NAALADL2: variants seen among roughly 807,000 people sequenced by gnomAD.
NAALADL2 encodes inactive N-acetylated-alpha-linked acidic dipeptidase-like protein 2.
Under a neutral mutation model 87.2 loss-of-function variants are expected in NAALADL2, and 76 were observed. That is an observed-to-expected ratio of 0.87 (90% confidence interval 0.72 to 1.05). NAALADL2 has a LOEUF of 1.05. Among genes scored for constraint, NAALADL2 ranks in the 50% least tolerant of loss-of-function variants. The probability of loss-of-function intolerance (pLI) is 0.00; values close to 1 mark genes in which losing one functional copy is unlikely to be tolerated. For synonymous variants in NAALADL2, 354 were observed against 331.0 expected, an observed-to-expected ratio of 1.07 and a Z score of -0.75; for missense variants, 1,089 against 945.8, an observed-to-expected ratio of 1.15 and a Z score of -1.99.
intron 2 of NAALADL2, among the ~76,000 whole-genome samples, chr3:174,669,292 T>C (rs1726292580): frequency 6.6e-6 from 1 of 152,048 alleles, no homozygotes; most frequent in African/African-American, 2.4e-5. Flanking sequence ...TTTGTTTGAG[T>C]TCATTGTAGA....
rs146845045 is a variant in NAALADL2 at position 175,708,083 on chromosome 3, T to A, written c.1897-29223T>A. ...GGTAAATTCCAGAAGTGACAAGGAG[T>A]TGGCCCATTAAGAAACTGAAAGAAG... On this transcript the variant is annotated intron_variant, in intron 11 of 13. Transcript: ENST00000454872. 4.4e-3 allele frequency among the ~76,000 whole-genome samples: 665 copies of A among 151,398 alleles called. 2 individuals carry two copies. The highest frequency in any genetic ancestry group is 7.2e-3 in the Non-Finnish European group (490 of 67,840).
intron 2 of NAALADL2, among the ~76,000 whole-genome samples, chr3:174,609,658 TAA>T (rs573562949): frequency 3.9e-5 from 6 of 151,968 alleles, no homozygotes; most frequent in Non-Finnish European, 8.8e-5. Flanking sequence ...CTCAATGAAA[TAA>T]AAGAGTATAC....
rs748895219 is a variant in NAALADL2 at position 174,625,057 on chromosome 3, C to CTCTCTTTTT, written c.-115+74421_-115+74422insCTCTTTTTT. On this transcript the variant is annotated intron_variant, in intron 2 of 3. Transcript: ENST00000434257. ...TATTTATTGCTATCTCTCTCTCTCT[C>CTCTCTTTTT]TTTTTTTTTTTTTTTTTTTGAGACA... 5.6e-3 allele frequency among the ~76,000 whole-genome samples: 444 copies of CTCTCTTTTT among 78,826 alleles called. 31 individuals carry two copies. The highest frequency in any genetic ancestry group is 0.014 in the African/African-American group (278 of 19,804). The allele number at this position is 78,826 out of a possible 152,430, so 51.7% of individuals were successfully genotyped here.
intron 5 of NAALADL2, among the ~76,000 whole-genome samples, chr3:175,419,608 G>C (rs1463450130): frequency 1.3e-5 from 2 of 151,916 alleles, no homozygotes; most frequent in Non-Finnish European, 2.9e-5. Flanking sequence ...AGAGAGACCT[G>C]ATAAAGATTA....
At chr3:175,097,438 G>A (rs1560023137) in intron 2 of NAALADL2, 147 bp downstream of exon 2, 1 of 738,734 alleles carries the variant, frequency 1.4e-6, no homozygotes, top group South Asian at 1.8e-5. Context: ...AAACTTCAAA[G>A]AGGGGAGCGC....
intron 5 of NAALADL2, among the ~76,000 whole-genome samples, chr3:175,384,255 T>C (rs888348968): frequency 2.6e-5 from 4 of 152,042 alleles, no homozygotes; most frequent in Non-Finnish European, 5.9e-5. Context: ...TCTTATTGAC[T>C]ATAATGATAA....
At chr3:175,649,624 T>C (rs1320387285) in intron 11 of NAALADL2, among the ~76,000 whole-genome samples, 1 of 152,160 alleles carries the variant, frequency 6.6e-6, no homozygotes, top group Non-Finnish European at 1.5e-5. Flanking sequence ...TGGCCTTTCC[T>C]CAGTGCACAT....
intron 2 of NAALADL2, among the ~76,000 whole-genome samples, chr3:175,147,896 C>G (rs1344980030): frequency 4.0e-5 from 6 of 151,772 alleles, no homozygotes; most frequent in African/African-American, 7.3e-5. Flanking sequence ...ATGGTGAAAC[C>G]TCGTCTCTTC....
At chr3:174,572,367 A>G (rs971868124) in intron 2 of NAALADL2, among the ~76,000 whole-genome samples, 3 of 152,214 alleles carry the variant, frequency 2.0e-5, no homozygotes, top group African/African-American at 7.2e-5. Flanking sequence ...TATCTTAGAA[A>G]GTTATGACAG....
At chr3:174,929,574 A>G (rs1031007897) in intron 1 of NAALADL2, among the ~76,000 whole-genome samples, 24 of 151,972 alleles carry the variant, frequency 1.6e-4, no homozygotes, top group Admixed American at 2.6e-4. Context: ...ATGCTATGAT[A>G]CATATTATTA....
intron 13 of NAALADL2, among the ~76,000 whole-genome samples, chr3:175,759,230 A>C (rs1413185587): frequency 1.3e-5 from 2 of 152,164 alleles, no homozygotes; most frequent in Non-Finnish European, 2.9e-5. Flanking sequence ...AAAATACATA[A>C]ATTATATATC....
intron 2 of NAALADL2, among the ~76,000 whole-genome samples, chr3:175,216,673 T>TTTTC (rs1553816888): frequency 4.9e-5 from 7 of 143,272 alleles, no homozygotes; most frequent in Non-Finnish European, 9.1e-5. Context: ...CTTTTCTTTT[T>TTTTC]TTTTTTTTTT....
intron 11 of NAALADL2, among the ~76,000 whole-genome samples, chr3:175,684,155 A>T (rs950167037): frequency 2.4e-5 from 3 of 123,486 alleles, no homozygotes; most frequent in Admixed American, 7.3e-5. Context: ...CAATCACTTT[A>T]AAAAAAAAAA....
intron 5 of NAALADL2, among the ~76,000 whole-genome samples, chr3:175,377,691 C>G (rs1767307079): frequency 2.0e-5 from 3 of 152,158 alleles, no homozygotes; most frequent in Admixed American, 6.5e-5. Context: ...CACCCATGGC[C>G]TGTACTGCAC....
At chr3:175,646,600 A>G (rs1730040399) in intron 11 of NAALADL2, among the ~76,000 whole-genome samples, 1 of 152,074 alleles carries the variant, frequency 6.6e-6, no homozygotes, top group Non-Finnish European at 1.5e-5. Flanking sequence ...CTATTCCTCT[A>G]TCCCTATGAT....
At chr3:175,743,189 T>C (rs1745480298) in intron 12 of NAALADL2, among the ~76,000 whole-genome samples, 1 of 152,052 alleles carries the variant, frequency 6.6e-6, no homozygotes, top group Admixed American at 6.5e-5. Flanking sequence ...TTAGTAGAGA[T>C]GGGGTTTCAC....
chr3:175,186,156 A>C (rs933019615), intron 2 of NAALADL2, among the ~76,000 whole-genome samples: 2 of 152,128 alleles, frequency 1.3e-5, no homozygotes, highest in Non-Finnish European at 2.9e-5. Context: ...CATATTGTAC[A>C]TGTTGAAGAG....
chr3:174,981,796 T>C (rs1175544013), intron 1 of NAALADL2, among the ~76,000 whole-genome samples: 5 of 152,152 alleles, frequency 3.3e-5, no homozygotes, highest in Non-Finnish European at 5.9e-5. Context: ...ACCTACCTTT[T>C]GTTTCTTTCC....
At chr3:174,928,603 T>C (rs777826122) in intron 1 of NAALADL2, among the ~76,000 whole-genome samples, 5 of 152,228 alleles carry the variant, frequency 3.3e-5, no homozygotes, top group Non-Finnish European at 5.9e-5. Flanking sequence ...ACAAGTGATA[T>C]ACAACTTTAT....
Sources: allele counts gnomAD v4.1 joint callset (sites outside exome capture counted in the v4.1 genomes callset), GRCh38; gene constraint gnomAD v4.1.1; transcripts MANE v1.5; gene names NCBI Gene and HGNC (gene_info 2026-07-23, HGNC 2026-07-21).